Variants in SEC61A2 observed in about 807,000 individuals in gnomAD.
SEC61A2 encodes the protein protein transport protein Sec61 subunit alpha isoform 2.
In SEC61A2, 28 loss-of-function variants were observed where a neutral mutation model predicts 59.9. The observed-to-expected ratio is 0.47, with a 90% CI of 0.35 to 0.64. The LOEUF is 0.64. SEC61A2 is among the 30% of genes least tolerant of loss of function. The pLI, the probability that SEC61A2 is intolerant of heterozygous loss-of-function variation, is 0.01. For missense variants in SEC61A2, 340 were observed against 585.9 expected (o/e 0.58, Z 4.33); for synonymous variants, 202 against 214.4 (o/e 0.94, Z 0.50).
At chr10:12,141,477 T>C (rs1389041539) in intron 3 of SEC61A2, among the ~76,000 whole-genome samples, 3 of 152,210 alleles carry the variant, frequency 2.0e-5, no homozygotes, top group Non-Finnish European at 2.9e-5. Context: ...ATATGGGTTA[T>C]ATAATAGGAA....
rs537859910 is a variant in SEC61A2, at chr10:12,159,122, C to T, written c.975+1017C>T. Among the ~76,000 whole-genome samples the T allele has an allele frequency of 1.4e-4, 21 of 151,836 alleles. No individual in the cohort carries two copies. In the South Asian group the frequency reaches 1.9e-3, roughly 14 times the overall value. ...CCTCCCAAGTAGCTGGGACTACAGG[C>T]GCCCGCCACCACGCCCAGCTAATTT... On this transcript the variant is annotated intron_variant, in intron 9 of 11. Transcript: ENST00000298428.
chr10:12,162,030 C>T lies in SEC61A2; in HGVS notation c.1168-183C>T, dbSNP rs368494240. Among the ~76,000 whole-genome samples the T allele has an allele frequency of 1.1e-4, 17 of 152,182 alleles. No homozygotes were observed. Among genetic ancestry groups the T allele is most frequent in the African/African-American group, 3.9e-4 (16 of 41,526 alleles). Reference sequence around the variant, plus strand: ...AGAAGCACCGGTTTCATATGGGTAACATGGAGCGGAGGAGCACTGAAGCTT... The same window carrying T: ...AGAAGCACCGGTTTCATATGGGTAATATGGAGCGGAGGAGCACTGAAGCTT... On this transcript the variant is annotated intron_variant, in intron 10 of 11. Transcript: ENST00000298428. This position sits in a 1 kb window ranked among gnomAD's most constrained non-coding sequence, Gnocchi z 6.1.
In SEC61A2 at chr10:12,155,734, G is replaced by T. The variant is rs1015529899; in HGVS notation, c.463-44G>T. ...AATGGTGTTCCTCTCCCCCTTTCTT[G>T]AGTTTGTTCTTGCTTCCGCTTACTT... On this transcript the variant is annotated intron_variant, in intron 6 of 11. Coordinates refer to ENST00000298428, the MANE Select transcript of SEC61A2 (RefSeq NM_018144.4). The surrounding 1 kb of genome is among the most constrained non-coding windows in gnomAD (Gnocchi z 4.3). 6.2e-7 allele frequency: 1 copy of T among 1,611,178 alleles called. No homozygotes were observed. The highest frequency in any genetic ancestry group is 8.5e-7 in the Non-Finnish European group (1 of 1,177,528).
intron 2 of SEC61A2, among the ~76,000 whole-genome samples, chr10:12,135,055 G>A (rs558067659): frequency 2.6e-4 from 38 of 145,838 alleles, no homozygotes; most frequent in South Asian, 8.5e-4. Context: ...TTGCTGTTTC[G>A]AAAACCAAAC....
chr10:12,132,507 G>A lies in SEC61A2; in HGVS notation c.8-734G>A, dbSNP rs202195542. Among the ~76,000 whole-genome samples the A allele has an allele frequency of 4.7e-5, 7 of 149,362 alleles. No individual in the cohort carries two copies. The South Asian group carries it at 6.4e-4, about 14-fold the overall frequency. On this transcript the variant is annotated intron_variant, in intron 1 of 11. Transcript: ENST00000298428. ...CACTCGCCTGTAATCCTAGCTACTC[G>A]GGAGGCTGAGGCAGGAGAATCACTT...
Position 12,163,519 on chromosome 10 carries a change from TC to T in SEC61A2, c.1245-745del, listed in dbSNP as rs1442095444. Reference sequence around the variant, plus strand: ...TTTGTATTTTTAGTAGAGATGGGTTTCCCCATGTTGGCCAGGCTCGTCTTGA... The same window carrying T: ...TTTGTATTTTTAGTAGAGATGGGTTTCCCATGTTGGCCAGGCTCGTCTTGA... On this transcript the variant is annotated intron_variant, in intron 11 of 11. Transcript: ENST00000298428. Among the ~76,000 whole-genome samples the T allele has an allele frequency of 3.3e-5, 5 of 151,850 alleles. No homozygotes were observed. In the East Asian group the frequency reaches 9.7e-4, roughly 29 times the overall value.
chr10:12,130,118 A>G (rs370961481), intron 1 of SEC61A2, among the ~76,000 whole-genome samples: 12 of 152,272 alleles, frequency 7.9e-5, no homozygotes, highest in African/African-American at 2.9e-4. Context: ...TTCAGGAGTT[A>G]AAGAAATCCC....
chr10:12,154,979 G>C lies in SEC61A2; in HGVS notation c.463-799G>C, dbSNP rs572636132. ...GATTAGGTTATTTGAGTGCAGGGAA[G>C]GGGTCATATGACTGAGGAGGTCACT... is the stretch of plus-strand genomic sequence containing the variant. On this transcript the variant is annotated intron_variant, in intron 6 of 11. Coordinates refer to ENST00000298428, the MANE Select transcript of SEC61A2 (RefSeq NM_018144.4). The surrounding 1 kb of genome is among the most constrained non-coding windows in gnomAD (Gnocchi z 5.2). Among the ~76,000 whole-genome samples, 3 of 152,234 alleles carry C rather than the reference G, an allele frequency of 2.0e-5. No homozygotes were observed. The East Asian group carries it at 5.8e-4, about 29-fold the overall frequency.
rs1834348328 is a variant in SEC61A2, at chr10:12,154,353, G to A, written c.463-1425G>A. 6.6e-6 allele frequency among the ~76,000 whole-genome samples: 1 copy of A among 152,150 alleles called. No homozygotes were observed. Among genetic ancestry groups the A allele is most frequent in the Non-Finnish European group, 1.5e-5 (1 of 68,030 alleles). On this transcript the variant is annotated intron_variant, in intron 6 of 11. Coordinates refer to ENST00000298428, the MANE Select transcript of SEC61A2 (RefSeq NM_018144.4). This position sits in a 1 kb window ranked among gnomAD's most constrained non-coding sequence, Gnocchi z 5.2. ...GTCCGATGGTCACTGTTCTGAACAG[G>A]GGGTGTGGAGAATTAGAGTTGTTTC... is the stretch of plus-strand genomic sequence containing the variant.
At position 12,161,538 on chromosome 10, in the gene SEC61A2, C is replaced by T. The variant is rs902827731; in HGVS notation, c.1167+417C>T. On this transcript the variant is annotated intron_variant, in intron 10 of 11. Transcript: ENST00000298428. The surrounding 1 kb of genome is among the most constrained non-coding windows in gnomAD (Gnocchi z 5.4). ...TGGGCAGATCCCATGGGTAGGAGAT[C>T]GAGACCATCCTGGTCAGCATGGTAA... 2.6e-5 allele frequency among the ~76,000 whole-genome samples: 4 copies of T among 152,168 alleles called. No individual in the cohort carries two copies. The highest frequency in any genetic ancestry group is 2.1e-4 in the South Asian group (1 of 4,832).
chr10:12,130,919 T>C (rs2131639437), intron 1 of SEC61A2: 1 of 152,380 alleles, frequency 6.6e-6, no homozygotes, highest in Admixed American at 6.5e-5. Context: ...ACGCCTGTAA[T>C]CCCAGCACTT....
In SEC61A2 at chr10:12,155,969, T is replaced by C. The variant is rs912517885; in HGVS notation, c.616+38T>C. ...GCGACTGCAACTGCACGCGTTTTGC[T>C]GGATGTGTGCTGGGAACAAACCCAT... On this transcript the variant is annotated intron_variant, in intron 7 of 11. Transcript: ENST00000298428. The surrounding 1 kb of genome is among the most constrained non-coding windows in gnomAD (Gnocchi z 4.3). The C allele has an allele frequency of 6.2e-7, 1 of 1,611,876 alleles. No individual in the cohort carries two copies. Among genetic ancestry groups the C allele is most frequent in the South Asian group, 1.1e-5 (1 of 91,000 alleles).
intron 4 of SEC61A2, among the ~76,000 whole-genome samples, chr10:12,146,673 A>G (rs1395602793): frequency 2.0e-5 from 3 of 151,748 alleles, no homozygotes; most frequent in Non-Finnish European, 4.4e-5. Flanking sequence ...GCCCGCCACC[A>G]CGCCCTGCTA....
chr10:12,166,265 A>ATGAT (rs986493602), downstream of SEC61A2: 6 of 153,358 alleles, frequency 3.9e-5, no homozygotes, highest in African/African-American at 9.6e-5. Context: ...CTTGATTTCA[A>ATGAT]TGATTGATAG....
At chr10:12,146,244 C>T (rs1032197199) in intron 4 of SEC61A2, among the ~76,000 whole-genome samples, 1 of 152,160 alleles carries the variant, frequency 6.6e-6, no homozygotes, top group Non-Finnish European at 1.5e-5. Context: ...TGGTGAATTC[C>T]TGACCTCAGG....
chr10:12,136,977 G>T (rs181401698), intron 3 of SEC61A2, among the ~76,000 whole-genome samples: 5 of 152,126 alleles, frequency 3.3e-5, no homozygotes, highest in Admixed American at 6.5e-5. Context: ...TGTTGTTCAG[G>T]CTTATCTCGA....
intron 4 of SEC61A2, among the ~76,000 whole-genome samples, chr10:12,146,888 T>C (rs749896823): frequency 1.3e-5 from 2 of 151,948 alleles, no homozygotes; most frequent in Admixed American, 6.6e-5. Context: ...TTGTCATTTG[T>C]GTTTAATTTT....
chr10:12,129,754 C>A lies in SEC61A2; in HGVS notation c.-34C>A, dbSNP rs754007561. ...AGTCGAGCGAAGGCAGCGCCGAGGC[C>A]GCGGTTTCCCCCTGGGCCTCCCCAG... On this transcript the variant is annotated 5_prime_UTR_variant, in exon 1 of 12. Transcript: ENST00000298428. This position sits in a 1 kb window ranked among gnomAD's most constrained non-coding sequence, Gnocchi z 5.6. The A allele has an allele frequency of 6.7e-6, 10 of 1,488,710 alleles. No homozygotes were observed. Among genetic ancestry groups the A allele is most frequent in the Non-Finnish European group, 8.9e-6 (10 of 1,124,450 alleles). The allele number at this position is 1,488,710 out of a possible 1,614,324, so 92.2% of individuals were successfully genotyped here.
At position 12,149,783 on chromosome 10, in the gene SEC61A2, G is replaced by A. The variant is rs756769121; in HGVS notation, c.352+57G>A. On this transcript the variant is annotated intron_variant, in intron 5 of 11. Transcript: ENST00000298428. The surrounding 1 kb of genome is among the most constrained non-coding windows in gnomAD (Gnocchi z 5.2). ...CAAATTTGAGAGTGCTCGTGGTAAAGATGTTTTCTCTAGTCTTTTCTTGTC... is the reference window on the plus strand; with the variant it reads ...CAAATTTGAGAGTGCTCGTGGTAAAAATGTTTTCTCTAGTCTTTTCTTGTC... 1 of 1,606,570 alleles carries A rather than the reference G, an allele frequency of 6.2e-7. No homozygotes were observed. Among genetic ancestry groups the A allele is most frequent in the South Asian group, 1.1e-5 (1 of 90,242 alleles).
Sources: allele counts gnomAD v4.1 joint callset (sites outside exome capture counted in the v4.1 genomes callset), GRCh38; gene constraint gnomAD v4.1.1; non-coding constraint Gnocchi (gnomAD v3.1); transcripts MANE v1.5; gene names NCBI Gene and HGNC (gene_info 2026-07-23, HGNC 2026-07-21).